The following PHLPP1 variants were observed in gnomAD, a reference collection of about 807,000 sequenced individuals.
PHLPP1 encodes the protein PH domain and leucine rich repeat protein phosphatase 1.
Under a neutral mutation model 117.2 loss-of-function variants are expected in PHLPP1, and 42 were observed. That is an observed-to-expected ratio of 0.36 (90% confidence interval 0.28 to 0.46). The LOEUF (loss-of-function observed/expected upper bound fraction) is 0.46, where lower values mean the gene tolerates loss of function less well. PHLPP1 is among the 20% of genes least tolerant of loss of function. PHLPP1 has a pLI of 1.00. For synonymous variants in PHLPP1, 1,042 were observed against 970.7 expected, an observed-to-expected ratio of 1.07 and a Z score of -1.37; for missense variants, 2,084 against 2,241.9, an observed-to-expected ratio of 0.93 and a Z score of 1.42.
chr18:62,729,467 C>T (rs1427084957), intron 1 of PHLPP1, among the ~76,000 whole-genome samples: 1 of 152,100 alleles, frequency 6.6e-6, no homozygotes, highest in African/African-American at 2.4e-5. Context: ...GAGGCTGAAG[C>T]GGGCAGATCA....
At position 62,715,933 on chromosome 18, in the gene PHLPP1, C is replaced by T; in HGVS notation, c.250C>T (p.Pro84Ser). 1 of 1,107,278 alleles carries T rather than the reference C, an allele frequency of 9.0e-7. No individual in the cohort carries two copies. Among genetic ancestry groups the T allele is most frequent in the East Asian group, 4.7e-5 (1 of 21,078 alleles). 68.6% of individuals were successfully genotyped at this position (1,107,278 alleles called of 1,614,324 possible). ...APGEAPPGPL[P>S]GRAGGAGRRR... ...AGGCGAGGCGCCGCCGGGGCCGCTG[C>T]CGGGCAGAGCGGGGGGTGCCGGGCG... is the stretch of plus-strand genomic sequence containing the variant. Residue 84 changes from proline (P) to serine (S), a missense_variant, in exon 1 of 17, where the codon CCG becomes TCG. Coordinates refer to ENST00000262719, the MANE Select transcript of PHLPP1 (RefSeq NM_194449.4).
intron 10 of PHLPP1, among the ~76,000 whole-genome samples, chr18:62,921,801 A>G (rs569130591): frequency 6.6e-6 from 1 of 152,340 alleles, no homozygotes; most frequent in South Asian, 2.1e-4. Flanking sequence ...CCAACTTTTA[A>G]GCCTACTGCT....
In PHLPP1 at chr18:62,914,975, T is replaced by C; in HGVS notation, c.2771T>C (p.Ile924Thr). Residue 924 changes from isoleucine to threonine, a missense_variant, in exon 9 of 17, where the codon ATT (isoleucine) becomes ACT (threonine). Physicochemically the swap from Ile to Thr is moderately conservative, Grantham distance 89. This residue lies in a region of PHLPP1 where 1,365 missense variants were observed against 1,605.9 expected (regional missense o/e 0.85). Transcript: ENST00000262719. ...CESRKLEVLD[I>T]GHNQICELPA... ...AGCCGAAAGCTAGAAGTTTTGGATA[T>C]TGGCCATAATCAAATATGTGAACTT... 1 of 1,613,720 alleles carries C rather than the reference T, an allele frequency of 6.2e-7. No individual in the cohort carries two copies. The highest frequency in any genetic ancestry group is 8.5e-7 in the Non-Finnish European group (1 of 1,179,698).
intron 1 of PHLPP1, among the ~76,000 whole-genome samples, chr18:62,750,010 C>T (rs1911796456): frequency 6.6e-6 from 1 of 151,998 alleles, no homozygotes; most frequent in African/African-American, 2.4e-5. Context: ...AGCGAGACTC[C>T]ACCTCAAAAC....
rs374908283 is a variant in PHLPP1, at chr18:62,903,147, G to A, written c.2628G>A (p.Ala876=). ...ACATCTGTGGCTATTTCCTAAAAGC[G>A]CTCTATGCCTCTTCTAATGGTATGT... ...TLDICGYFLK[A]LYASSNELVQ... Residue 876 remains alanine (A), a synonymous_variant, in exon 7 of 17, where the codon GCG becomes GCA. Transcript: ENST00000262719. 128 of 1,611,438 alleles carry A rather than the reference G, an allele frequency of 7.9e-5. No homozygotes were observed. Among genetic ancestry groups the A allele is most frequent in the Non-Finnish European group, 1.0e-4 (120 of 1,178,380 alleles).
At chr18:62,769,499 CTT>C (rs1912679566) in intron 1 of PHLPP1, among the ~76,000 whole-genome samples, 1 of 152,056 alleles carries the variant, frequency 6.6e-6, no homozygotes, top group Non-Finnish European at 1.5e-5. Context: ...AGGATGTATT[CTT>C]TGTTTCTAAA....
chr18:62,783,150 T>TA (rs1420812535), intron 1 of PHLPP1, among the ~76,000 whole-genome samples: 1,251 of 123,346 alleles, frequency 0.01, 11 homozygotes, highest in South Asian at 0.046. Flanking sequence ...TTCAGAGTTT[T>TA]AAAAAAAAAA....
intron 1 of PHLPP1, among the ~76,000 whole-genome samples, chr18:62,792,879 A>T (rs1049313715): frequency 2.0e-5 from 3 of 151,126 alleles, no homozygotes; most frequent in African/African-American, 7.3e-5. Flanking sequence ...AAAAAAAAAA[A>T]AAAAAAAAAA....
intron 14 of PHLPP1, among the ~76,000 whole-genome samples, 162 bp downstream of exon 14, chr18:62,963,634 T>C (rs1214826002): frequency 6.6e-6 from 1 of 152,234 alleles, no homozygotes; most frequent in Non-Finnish European, 1.5e-5. Flanking sequence ...GACTTATGTT[T>C]GAACATTAAG....
chr18:62,890,787 G>A (rs1341518983), intron 4 of PHLPP1, among the ~76,000 whole-genome samples: 2 of 152,108 alleles, frequency 1.3e-5, no homozygotes, highest in Non-Finnish European at 2.9e-5. Context: ...TCCCCACTTT[G>A]AAAAGTTCAC....
At chr18:62,948,603 A>G (rs188527917) in intron 12 of PHLPP1, among the ~76,000 whole-genome samples, 5 of 150,366 alleles carry the variant, frequency 3.3e-5, no homozygotes, top group Admixed American at 2.0e-4. Context: ...CATTTTTCTT[A>G]TGTTAACAAT....
intron 3 of PHLPP1, among the ~76,000 whole-genome samples, chr18:62,849,832 A>AAAAAAAAAATATAT (rs1555677083): frequency 6.0e-5 from 2 of 33,098 alleles, no homozygotes; most frequent in Non-Finnish European, 1.1e-4. Flanking sequence ...AAAAAAAAAA[A>AAAAAAAAAATATAT]ATATATATAT....
intron 4 of PHLPP1, among the ~76,000 whole-genome samples, chr18:62,886,528 G>A (rs753159855): frequency 1.3e-5 from 2 of 152,164 alleles, no homozygotes; most frequent in Admixed American, 6.5e-5. Context: ...TCCTGCCTCA[G>A]CTTCCCAAAG....
At chr18:62,934,859 A>G (rs1187218032) in intron 10 of PHLPP1, among the ~76,000 whole-genome samples, 1 of 152,232 alleles carries the variant, frequency 6.6e-6, no homozygotes, top group Admixed American at 6.5e-5. Context: ...TAAGGAAAAT[A>G]GTACCTCAGG....
chr18:62,838,767 TC>T lies in PHLPP1; in HGVS notation c.1774-16del. ...GCTGTCTGACTTGTTTCTGCTTCTC[TC>T]TGTTTGCTTTTATAGGTAGAAGAAG... On this transcript the variant is annotated splice_polypyrimidine_tract_variant and intron_variant, in intron 2 of 16. Transcript: ENST00000262719. 1.2e-6 allele frequency: 2 copies of T among 1,613,516 alleles called. No individual in the cohort carries two copies.
At chr18:62,835,776 C>CTTTT (rs747058557) in intron 2 of PHLPP1, among the ~76,000 whole-genome samples, 23 of 94,504 alleles carry the variant, frequency 2.4e-4, no homozygotes, top group Non-Finnish European at 3.4e-4. Context: ...TCAACTGGTT[C>CTTTT]TTTTTTTTTT....
At chr18:62,831,042 C>T (rs530075855) in intron 2 of PHLPP1, among the ~76,000 whole-genome samples, 279 of 152,190 alleles carry the variant, frequency 1.8e-3, no homozygotes, top group African/African-American at 6.5e-3. Context: ...TTTCTCATTT[C>T]GGAGAAAATG....
intron 8 of PHLPP1, among the ~76,000 whole-genome samples, chr18:62,907,123 C>T (rs1206792085): frequency 3.8e-3 from 2 of 524 alleles, no homozygotes; most frequent in African/African-American, 0.011. Flanking sequence ...AACTAACAAC[C>T]AGAAAGGACA....
intron 1 of PHLPP1, among the ~76,000 whole-genome samples, chr18:62,805,422 CAT>C: frequency 6.6e-6 from 1 of 152,046 alleles, no homozygotes; most frequent in East Asian, 1.9e-4. Flanking sequence ...GTGGTATAAT[CAT>C]AGAGGTCACT....
Sources: gnomAD v4.1 joint callset for allele counts (sites outside exome capture counted in the v4.1 genomes callset) on GRCh38, gnomAD v4.1.1 for gene constraint, gnomAD v4.1.1 regional missense constraint, MANE v1.5 for transcripts, NCBI Gene and HGNC (gene_info 2026-07-23, HGNC 2026-07-21) for gene names.